Variants in CNTN1 observed in about 807,000 individuals in gnomAD.
CNTN1 encodes the protein contactin 1.
A neutral mutation model predicts 126.4 loss-of-function variants in CNTN1; 38 were observed. The observed-to-expected ratio is 0.30, with a 90% CI of 0.23 to 0.39. CNTN1 has a LOEUF of 0.39. CNTN1 is among the 10% of genes least tolerant of loss of function. CNTN1 has a pLI of 1.00. For synonymous variants in CNTN1, 413 were observed against 422.6 expected, an observed-to-expected ratio of 0.98 and a Z score of 0.28; for missense variants, 1,009 against 1,248.4, an observed-to-expected ratio of 0.81 and a Z score of 2.89.
At chr12:40,881,040 T>C (rs2136697152) in intron 1 of CNTN1, among the ~76,000 whole-genome samples, 1 of 152,082 alleles carries the variant, frequency 6.6e-6, no homozygotes, top group Admixed American at 6.6e-5. Context: ...TCACCTCCTG[T>C]GAATAGAAGA....
At chr12:40,902,390 G>T (rs1390316722) in intron 1 of CNTN1, among the ~76,000 whole-genome samples, 1 of 152,098 alleles carries the variant, frequency 6.6e-6, no homozygotes, top group Non-Finnish European at 1.5e-5. Context: ...GTGTCTTTTT[G>T]TCTGGAATAA....
intron 1 of CNTN1, 104 bp downstream of exon 1, chr12:40,692,696 A>C (rs1451970075): frequency 6.6e-6 from 1 of 152,616 alleles, no homozygotes; most frequent in East Asian, 1.9e-4. Flanking sequence ...GTCACCCCCA[A>C]ATCTCCTGTG....
At chr12:40,759,902 T>C (rs1181527433) in intron 1 of CNTN1, among the ~76,000 whole-genome samples, 2 of 152,194 alleles carry the variant, frequency 1.3e-5, no homozygotes, top group Admixed American at 6.5e-5. Flanking sequence ...GTGATACTTT[T>C]ATAACGTCTT....
intron 17 of CNTN1, among the ~76,000 whole-genome samples, chr12:40,996,610 G>A (rs989871666): frequency 6.6e-6 from 1 of 152,070 alleles, no homozygotes; most frequent in Non-Finnish European, 1.5e-5. Context: ...AGAAAATATG[G>A]TCTCCTGTCT....
intron 1 of CNTN1, among the ~76,000 whole-genome samples, chr12:40,872,571 CTTTT>C (rs35866838): frequency 6.4e-5 from 7 of 108,616 alleles, no homozygotes; most frequent in South Asian, 6.1e-4. Flanking sequence ...TTTTTTCTTT[CTTTT>C]TTTTTTTTTT....
chr12:41,055,392 C>A (rs1275542275), intron 23 of CNTN1, among the ~76,000 whole-genome samples: 1 of 152,046 alleles, frequency 6.6e-6, no homozygotes, highest in African/African-American at 2.4e-5. Context: ...TATTTTGCCC[C>A]ATCTCTTCTT....
intron 1 of CNTN1, among the ~76,000 whole-genome samples, chr12:40,893,173 G>C (rs1944300056): frequency 6.6e-6 from 1 of 151,826 alleles, no homozygotes; most frequent in African/African-American, 2.4e-5. Context: ...ACCCTAACTA[G>C]GTAGATAATT....
chr12:40,965,038 A>G (rs1384538987), intron 15 of CNTN1, among the ~76,000 whole-genome samples: 1 of 152,130 alleles, frequency 6.6e-6, no homozygotes, highest in Non-Finnish European at 1.5e-5. Context: ...TGTAAGAAAT[A>G]TGGAATAGAT....
At chr12:41,043,119 G>A (rs1370288291) in intron 23 of CNTN1, among the ~76,000 whole-genome samples, 1 of 152,084 alleles carries the variant, frequency 6.6e-6, no homozygotes, top group Non-Finnish European at 1.5e-5. Context: ...AACACCAAAA[G>A]CAATGGCAAC....
intron 16 of CNTN1, among the ~76,000 whole-genome samples, chr12:40,985,568 G>A (rs1947937865): frequency 6.6e-6 from 1 of 152,060 alleles, no homozygotes; most frequent in Admixed American, 6.6e-5. Context: ...TTTTGGGTGA[G>A]AAGTCAGTTA....
At chr12:40,825,852 C>T (rs1941598932) in intron 1 of CNTN1, among the ~76,000 whole-genome samples, 1 of 126,386 alleles carries the variant, frequency 7.9e-6, no homozygotes, top group Non-Finnish European at 1.7e-5. Flanking sequence ...TGATGAAATG[C>T]TGATGATGAT....
chr12:40,846,341 G>T (rs775564052), intron 1 of CNTN1, among the ~76,000 whole-genome samples: 2 of 152,154 alleles, frequency 1.3e-5, no homozygotes, highest in Non-Finnish European at 2.9e-5. Flanking sequence ...GGTGGCGGGC[G>T]CCTGCAGTCC....
At chr12:40,795,578 TAC>T (rs549330420) in intron 1 of CNTN1, among the ~76,000 whole-genome samples, 27 of 144,954 alleles carry the variant, frequency 1.9e-4, no homozygotes, top group East Asian at 8.2e-4. Context: ...TTCTGAAAAA[TAC>T]ACACACACAC....
intron 1 of CNTN1, among the ~76,000 whole-genome samples, chr12:40,731,823 A>T (rs1596514): frequency 0.96 from 146,581 of 152,070 alleles, 70,723 homozygotes; most frequent in Non-Finnish European, 0.99. Flanking sequence ...TACATATTTA[A>T]ATATCCCAGT....
intron 3 of CNTN1, among the ~76,000 whole-genome samples, chr12:40,917,903 G>T (rs548733164): frequency 1.3e-5 from 2 of 152,172 alleles, no homozygotes; most frequent in Admixed American, 6.6e-5. Context: ...GTAATTTATT[G>T]ATTGATTGTT....
intron 1 of CNTN1, among the ~76,000 whole-genome samples, chr12:40,809,105 A>G (rs1396786113): frequency 6.6e-6 from 1 of 152,210 alleles, no homozygotes; most frequent in East Asian, 1.9e-4. Flanking sequence ...TAATTGAAAT[A>G]TTGTGTATTT....
intron 15 of CNTN1, among the ~76,000 whole-genome samples, chr12:40,970,131 T>C (rs1947453978): frequency 6.6e-6 from 1 of 152,066 alleles, no homozygotes; most frequent in South Asian, 2.1e-4. Flanking sequence ...AGGACCACTA[T>C]TTGATATCTT....
chr12:40,732,797 A>G (rs1942532705), intron 1 of CNTN1, among the ~76,000 whole-genome samples: 1 of 152,090 alleles, frequency 6.6e-6, no homozygotes, highest in Non-Finnish European at 1.5e-5. Flanking sequence ...TTATTTCACT[A>G]ATATAAAACT....
chr12:41,039,570 A>G (rs1458338212), intron 23 of CNTN1, among the ~76,000 whole-genome samples: 2 of 152,114 alleles, frequency 1.3e-5, no homozygotes, highest in African/African-American at 4.8e-5. Context: ...ATGCTAGTTC[A>G]ATATGCCTAT....
Sources: allele counts gnomAD v4.1 joint callset (sites outside exome capture counted in the v4.1 genomes callset), GRCh38; gene constraint gnomAD v4.1.1; transcripts MANE v1.5; gene names NCBI Gene and HGNC (gene_info 2026-07-23, HGNC 2026-07-21).